CDH13: variants seen among roughly 807,000 people sequenced by gnomAD.
CDH13 encodes the protein cadherin 13, also known as cadherin-13.
In CDH13, 24 loss-of-function variants were observed where a neutral mutation model predicts 63.8. The observed-to-expected ratio is 0.38, with a 90% CI of 0.27 to 0.53. The LOEUF (loss-of-function observed/expected upper bound fraction) is 0.53. Ranked by LOEUF, CDH13 falls within the 20% of genes least tolerant of loss-of-function variation. The pLI, the probability that CDH13 is intolerant of heterozygous loss-of-function variation, is 0.85. For missense variants in CDH13, 1,049 were observed against 903.1 expected, an observed-to-expected ratio of 1.16 and a Z score of -2.07; for synonymous variants, 503 against 355.3, an observed-to-expected ratio of 1.42 and a Z score of -4.67.
At position 83,253,524 on chromosome 16, in the gene CDH13, A is replaced by G. The variant is rs567222766; in HGVS notation, c.636+36027A>G. On this transcript the variant is annotated intron_variant, in intron 5 of 13. Coordinates refer to ENST00000567109, the MANE Select transcript of CDH13 (RefSeq NM_001257.5). ...TGCCTTCTGCCATTAAGCAGGTCTG[A>G]CAACGTGAAAGCTGGCTGAGCTGAG... Among the ~76,000 whole-genome samples, 4 of 152,362 alleles carry G rather than the reference A, an allele frequency of 2.6e-5. No homozygotes were observed. In the South Asian group the frequency reaches 8.3e-4, roughly 32 times the overall value.
intron 7 of CDH13, among the ~76,000 whole-genome samples, chr16:83,580,538 A>G (rs1905491997): frequency 7.2e-6 from 1 of 138,976 alleles, no homozygotes; most frequent in Non-Finnish European, 1.5e-5. Flanking sequence ...TCTGCCACCC[A>G]GGCTATAGTG....
At position 83,800,206 on chromosome 16, in the gene CDH13, A is replaced by G. The variant is rs1904310878; in HGVS notation, c.*5176A>G. ...TCTGAAGCTATGAAGATTTGGAGAAAGGGGCTTATAGAAGCACTATGAAAA... is the reference window on the plus strand; with the variant it reads ...TCTGAAGCTATGAAGATTTGGAGAAGGGGGCTTATAGAAGCACTATGAAAA... On this transcript the variant is annotated 3_prime_UTR_variant, in exon 14 of 14. Coordinates refer to ENST00000567109, the MANE Select transcript of CDH13 (RefSeq NM_001257.5). 6.6e-6 allele frequency: 1 copy of G among 152,186 alleles called. No individual in the cohort carries two copies. Among genetic ancestry groups the G allele is most frequent in the African/African-American group, 2.4e-5 (1 of 41,450 alleles). The allele number at this position is 152,186 out of a possible 1,614,324, so 9.4% of individuals were successfully genotyped here. A position where few individuals can be genotyped will look rare whatever the true frequency, so the allele number is the denominator to read the frequency against.
chr16:83,244,886 C>T (rs1452252347), intron 5 of CDH13, among the ~76,000 whole-genome samples: 1 of 152,100 alleles, frequency 6.6e-6, no homozygotes, highest in African/African-American at 2.4e-5. Context: ...ACATAGGCAC[C>T]CTTTGCCTGA....
At chr16:83,113,327 G>C (rs2035151111) in intron 3 of CDH13, among the ~76,000 whole-genome samples, 1 of 152,184 alleles carries the variant, frequency 6.6e-6, no homozygotes, top group Middle Eastern at 3.2e-3. Context: ...TTACTTATTA[G>C]ACACAATCGT....
At chr16:82,903,980 T>C (rs1567647339) in intron 2 of CDH13, among the ~76,000 whole-genome samples, 1 of 152,206 alleles carries the variant, frequency 6.6e-6, no homozygotes, top group Non-Finnish European at 1.5e-5. Flanking sequence ...CTCCCTATTC[T>C]TCTGGAAGTC....
intron 11 of CDH13, among the ~76,000 whole-genome samples, chr16:83,753,917 A>T (rs1913292333): frequency 6.7e-6 from 1 of 148,788 alleles, no homozygotes; most frequent in East Asian, 2.0e-4. Flanking sequence ...AAACTAAAAT[A>T]CCAAAGAGGG....
chr16:82,860,769 A>G (rs1331551694), intron 2 of CDH13, among the ~76,000 whole-genome samples: 3 of 152,220 alleles, frequency 2.0e-5, no homozygotes, highest in African/African-American at 7.2e-5. Context: ...GAAAATTGTC[A>G]TAGACTTGAG....
chr16:82,993,132 A>T (rs889100295), intron 2 of CDH13, among the ~76,000 whole-genome samples: 3 of 152,282 alleles, frequency 2.0e-5, no homozygotes, highest in Admixed American at 6.5e-5. Context: ...TATATTACTA[A>T]TAACTGTCTA....
At chr16:83,447,068 A>AAC (rs2072716421) in intron 6 of CDH13, among the ~76,000 whole-genome samples, 2 of 133,470 alleles carry the variant, frequency 1.5e-5, no homozygotes, top group Admixed American at 7.6e-5. Flanking sequence ...AAAAAAAAAA[A>AAC]AAAAAACAAA....
At chr16:83,294,147 G>A (rs571201336) in intron 5 of CDH13, among the ~76,000 whole-genome samples, 26 of 152,034 alleles carry the variant, frequency 1.7e-4, no homozygotes, top group African/African-American at 5.3e-4. Flanking sequence ...TACTGTGTAC[G>A]ACATGATATT....
Position 83,047,655 on chromosome 16 carries a change from G to C in CDH13, c.366+15437G>C, listed in dbSNP as rs1013817400. On this transcript the variant is annotated intron_variant, in intron 3 of 13. Coordinates refer to ENST00000567109, the MANE Select transcript of CDH13 (RefSeq NM_001257.5). This position sits in a 1 kb window ranked among gnomAD's most constrained non-coding sequence, Gnocchi z 4.9. ...CAGAGATTTGACTGACTTGTTCGTT[G>C]CTATAAATCTAGCACTTACAATATC... Among the ~76,000 whole-genome samples the C allele has an allele frequency of 1.3e-5, 2 of 152,154 alleles. No individual in the cohort carries two copies. Among genetic ancestry groups the C allele is most frequent in the Non-Finnish European group, 2.9e-5 (2 of 68,034 alleles).
At chr16:83,588,991 C>T (rs1218850668) in intron 7 of CDH13, among the ~76,000 whole-genome samples, 1 of 152,150 alleles carries the variant, frequency 6.6e-6, no homozygotes, top group African/African-American at 2.4e-5. Context: ...ACCACAAAAT[C>T]CGTGGCAGAC....
chr16:83,461,711 T>C (rs1400801694), intron 6 of CDH13, among the ~76,000 whole-genome samples: 1 of 152,188 alleles, frequency 6.6e-6, no homozygotes, highest in Admixed American at 6.5e-5. Flanking sequence ...TTGATTTGAA[T>C]AGAGAGTTGA....
chr16:83,199,841 G>A (rs185751776), intron 4 of CDH13, among the ~76,000 whole-genome samples: 292 of 152,208 alleles, frequency 1.9e-3, no homozygotes, highest in Non-Finnish European at 2.9e-3. Context: ...GGCTTAGAGG[G>A]GTGAAAAGAT....
At chr16:83,637,271 C>T (rs1304626944) in intron 8 of CDH13, among the ~76,000 whole-genome samples, 1 of 103,438 alleles carries the variant, frequency 9.7e-6, no homozygotes, top group Non-Finnish European at 1.9e-5. Flanking sequence ...CCAAGATGGC[C>T]GAATAGGAAC....
chr16:83,751,393 A>C (rs1201818299), intron 11 of CDH13, among the ~76,000 whole-genome samples: 1 of 152,052 alleles, frequency 6.6e-6, no homozygotes, highest in Non-Finnish European at 1.5e-5. Flanking sequence ...TCAGGAGTTC[A>C]AGACCAGCCT....
chr16:83,715,081 C>G (rs1429491232), intron 10 of CDH13, among the ~76,000 whole-genome samples: 1 of 152,138 alleles, frequency 6.6e-6, no homozygotes, highest in Non-Finnish European at 1.5e-5. Flanking sequence ...TAGAGTATTT[C>G]TTCATTCGTT....
Position 83,217,442 on chromosome 16 carries a change from C to T in CDH13, c.581C>T (p.Thr194Ile). Reference sequence around the variant, plus strand: ...GGAATTTTCAGAATCAATGAGAACACAGGGAGCGTCTCCGTGACACGGACC... The same window carrying T: ...GGAATTTTCAGAATCAATGAGAACATAGGGAGCGTCTCCGTGACACGGACC... Reference protein sequence around the residue: ...PKGIFRINENTGSVSVTRTLD... With the variant: ...PKGIFRINENIGSVSVTRTLD... The change falls in exon 5 of 14, where the codon ACA (threonine) becomes ATA (isoleucine). Residue 194 changes from threonine to isoleucine, a missense_variant. Thr to Ile is a moderately conservative substitution (Grantham distance 89). Coordinates refer to ENST00000567109, the MANE Select transcript of CDH13 (RefSeq NM_001257.5). 6.2e-7 allele frequency: 1 copy of T among 1,613,908 alleles called. No individual in the cohort carries two copies. The highest frequency in any genetic ancestry group is 8.5e-7 in the Non-Finnish European group (1 of 1,179,820).
chr16:83,382,350 TA>T (rs2091583585), intron 6 of CDH13, among the ~76,000 whole-genome samples: 1 of 152,206 alleles, frequency 6.6e-6, no homozygotes, highest in South Asian at 2.1e-4. Context: ...TTTAATCAGG[TA>T]AATTAATGGA....
Sources: gnomAD v4.1 joint callset for allele counts (sites outside exome capture counted in the v4.1 genomes callset) on GRCh38, gnomAD v4.1.1 for gene constraint, Gnocchi (gnomAD v3.1) non-coding constraint, MANE v1.5 for transcripts, NCBI Gene and HGNC (gene_info 2026-07-23, HGNC 2026-07-21) for gene names.